The following ADCY2 variants were observed in gnomAD, a reference collection of about 807,000 sequenced individuals.
ADCY2 encodes adenylate cyclase type 2.
In ADCY2, 31 loss-of-function variants were observed where a neutral mutation model predicts 125.2. The ratio of observed to expected loss-of-function variants is 0.25; its 90% CI spans 0.19 to 0.33. The LOEUF (loss-of-function observed/expected upper bound fraction) is 0.33. Among genes scored for constraint, ADCY2 ranks in the 10% least tolerant of loss-of-function variants. ADCY2 has a pLI of 1.00. For missense variants in ADCY2, 904 were observed against 1,418.2 expected, an observed-to-expected ratio of 0.64 and a Z score of 5.82; for synonymous variants, 512 against 548.4, an observed-to-expected ratio of 0.93 and a Z score of 0.93.
chr5:7,495,889 G>A (rs1042773174), intron 2 of ADCY2, among the ~76,000 whole-genome samples: 6 of 152,136 alleles, frequency 3.9e-5, no homozygotes, highest in Admixed American at 6.5e-5. Flanking sequence ...GAGTAATCAC[G>A]TAGAAGATGA....
chr5:7,486,638 T>C (rs142689482), intron 2 of ADCY2, among the ~76,000 whole-genome samples: 1 of 152,312 alleles, frequency 6.6e-6, no homozygotes, highest in East Asian at 1.9e-4. Context: ...TGAAGTATCA[T>C]GCTTAGCTTC....
intron 3 of ADCY2, among the ~76,000 whole-genome samples, chr5:7,571,305 G>A (rs939066560): frequency 6.6e-6 from 1 of 152,154 alleles, no homozygotes; most frequent in African/African-American, 2.4e-5. Flanking sequence ...GAAGCCAAGG[G>A]TGTTAAGTCC....
chr5:7,728,073 C>T (rs551449615), intron 14 of ADCY2, among the ~76,000 whole-genome samples: 47 of 151,080 alleles, frequency 3.1e-4, no homozygotes, highest in African/African-American at 1.1e-3. Flanking sequence ...ATATTTTTTT[C>T]TTTCTTAACC....
intron 3 of ADCY2, among the ~76,000 whole-genome samples, chr5:7,535,967 T>A (rs910691340): frequency 6.6e-6 from 1 of 152,230 alleles, no homozygotes. Flanking sequence ...TTCCTATTAA[T>A]ATGGAATAAA....
At chr5:7,507,347 A>G (rs1354807390) in intron 2 of ADCY2, among the ~76,000 whole-genome samples, 2 of 135,886 alleles carry the variant, frequency 1.5e-5, no homozygotes, top group Admixed American at 1.4e-4. Flanking sequence ...AGGCTGAGGC[A>G]GGAGAATGGC....
At chr5:7,761,899 A>G (rs148805575) in intron 16 of ADCY2, among the ~76,000 whole-genome samples, 40 of 152,312 alleles carry the variant, frequency 2.6e-4, no homozygotes, top group African/African-American at 8.7e-4. Context: ...CAACAGAAAT[A>G]TGTCTTCCAG....
intron 4 of ADCY2, among the ~76,000 whole-genome samples, chr5:7,650,623 C>T (rs984813259): frequency 6.6e-6 from 1 of 152,018 alleles, no homozygotes; most frequent in Non-Finnish European, 1.5e-5. Flanking sequence ...TATGTTCTTG[C>T]CCCCCGGACA....
intron 4 of ADCY2, among the ~76,000 whole-genome samples, chr5:7,673,981 G>A (rs1314296893): frequency 1.3e-5 from 2 of 152,134 alleles, no homozygotes; most frequent in Admixed American, 6.5e-5. Flanking sequence ...TGTCCAGTGG[G>A]AGAAAATGAT....
chr5:7,768,487 C>T (rs984042255), intron 17 of ADCY2, among the ~76,000 whole-genome samples: 17 of 152,050 alleles, frequency 1.1e-4, no homozygotes, highest in African/African-American at 3.6e-4. Flanking sequence ...TCACGTGGCA[C>T]TTTGAGTTTA....
chr5:7,635,137 G>A (rs1450969867), intron 4 of ADCY2, among the ~76,000 whole-genome samples: 1 of 152,296 alleles, frequency 6.6e-6, no homozygotes, highest in East Asian at 1.9e-4. Context: ...GCTGGGCCTT[G>A]CAAGGTGGGT....
At chr5:7,610,872 C>A (rs1005101269) in intron 3 of ADCY2, among the ~76,000 whole-genome samples, 1 of 152,142 alleles carries the variant, frequency 6.6e-6, no homozygotes, top group African/African-American at 2.4e-5. Context: ...CAAATTTGAT[C>A]TAAATAAAGG....
chr5:7,512,331 C>G (rs1744100864), intron 2 of ADCY2, among the ~76,000 whole-genome samples: 1 of 149,574 alleles, frequency 6.7e-6, no homozygotes, highest in Non-Finnish European at 1.5e-5. Flanking sequence ...GTGGAAAATT[C>G]ATTCTAGGGG....
chr5:7,526,422 T>C (rs1372386107), intron 3 of ADCY2, among the ~76,000 whole-genome samples: 3 of 151,630 alleles, frequency 2.0e-5, no homozygotes, highest in African/African-American at 7.2e-5. Flanking sequence ...GAAATTATAG[T>C]TTACAACAAT....
intron 2 of ADCY2, among the ~76,000 whole-genome samples, chr5:7,511,431 C>T (rs973720178): frequency 2.6e-5 from 4 of 151,830 alleles, no homozygotes; most frequent in Admixed American, 6.6e-5. Flanking sequence ...AAAAATTAGC[C>T]GGGTGTGGTG....
chr5:7,737,684 C>G (rs1377491588), intron 14 of ADCY2, among the ~76,000 whole-genome samples: 4 of 152,018 alleles, frequency 2.6e-5, no homozygotes, highest in African/African-American at 4.8e-5. Flanking sequence ...CATCACTCTC[C>G]AAAGGCAAGA....
At chr5:7,717,069 T>A in intron 11 of ADCY2, 88 bp from the exon 12 acceptor site, 1 of 775,894 alleles carries the variant, frequency 1.3e-6, no homozygotes, top group Non-Finnish European at 2.2e-6. Context: ...CTCATAAGGA[T>A]GTAAAATATT....
intron 7 of ADCY2, among the ~76,000 whole-genome samples, chr5:7,706,068 A>G (rs1329963739): frequency 1.3e-5 from 2 of 152,298 alleles, no homozygotes; most frequent in East Asian, 1.9e-4. Flanking sequence ...GTTTTGCAAT[A>G]CTACTTTAAT....
At chr5:7,611,095 C>T (rs898956769) in intron 3 of ADCY2, 1 of 152,114 alleles carries the variant, frequency 6.6e-6, no homozygotes, top group Admixed American at 6.5e-5. Flanking sequence ...GGCCACCTGA[C>T]CATGGGAAGC....
chr5:7,664,133 A>C (rs1393205654), intron 4 of ADCY2, among the ~76,000 whole-genome samples: 2 of 152,164 alleles, frequency 1.3e-5, no homozygotes. Flanking sequence ...AACCATCGAA[A>C]TGGAGGTTAA....
Sources: gnomAD v4.1 joint callset for allele counts (sites outside exome capture counted in the v4.1 genomes callset) on GRCh38, gnomAD v4.1.1 for gene constraint, MANE v1.5 for transcripts, NCBI Gene and HGNC (gene_info 2026-07-23, HGNC 2026-07-21) for gene names.